Variants in TOGARAM1 observed in about 807,000 individuals in gnomAD.
TOGARAM1 encodes TOG array regulator of axonemal microtubules 1.
A neutral mutation model predicts 166.6 loss-of-function variants in TOGARAM1; 100 were observed. The observed-to-expected ratio is 0.60, with a 90% confidence interval of 0.51 to 0.71. The LOEUF is 0.71. Ranked by LOEUF, TOGARAM1 falls within the 30% of genes least tolerant of loss-of-function variation. The probability of loss-of-function intolerance (pLI) is 0.00; values close to 1 mark genes in which losing one functional copy is unlikely to be tolerated. For missense variants in TOGARAM1, 2,029 were observed against 2,102.7 expected (o/e 0.96, Z 0.69); for synonymous variants, 758 against 763.8 (o/e 0.99, Z 0.13).
At chr14:44,981,846 T>C (rs1886554502) in intron 1 of TOGARAM1, among the ~76,000 whole-genome samples, 1 of 147,104 alleles carries the variant, frequency 6.8e-6, no homozygotes, top group African/African-American at 2.5e-5. Context: ...ACTTACTTTT[T>C]TTTTTTTTTT....
chr14:44,988,218 A>T (rs994442464), intron 1 of TOGARAM1, among the ~76,000 whole-genome samples: 9 of 152,132 alleles, frequency 5.9e-5, no homozygotes, highest in Non-Finnish European at 4.4e-5. Context: ...ACAAACCTGC[A>T]CATTGTGCAC....
chr14:44,999,283 C>T, intron 2 of TOGARAM1, 80 bp from the exon 3 acceptor site: 1 of 1,374,732 alleles, frequency 7.3e-7, no homozygotes, highest in Non-Finnish European at 9.8e-7. Flanking sequence ...TAAATTACAC[C>T]AACATTTATG....
intron 7 of TOGARAM1, among the ~76,000 whole-genome samples, chr14:45,016,605 C>G (rs1214095822): frequency 6.6e-6 from 1 of 152,120 alleles, no homozygotes; most frequent in African/African-American, 2.4e-5. Context: ...CTTTGTTGCC[C>G]AGGCTGGCCT....
intron 16 of TOGARAM1, among the ~76,000 whole-genome samples, chr14:45,056,304 GATCAT>G (rs1183779139): frequency 6.6e-6 from 1 of 152,032 alleles, no homozygotes; most frequent in Non-Finnish European, 1.5e-5. Flanking sequence ...CTAGATATAA[GATCAT>G]ATCATCAGCA....
chr14:44,988,326 T>TTA (rs1886958478), intron 1 of TOGARAM1, among the ~76,000 whole-genome samples: 2 of 152,200 alleles, frequency 1.3e-5, no homozygotes, highest in Admixed American at 1.3e-4. Flanking sequence ...TAATATGATG[T>TTA]TTATGAGCCA....
At chr14:44,968,485 T>C (rs1885686498) in intron 1 of TOGARAM1, among the ~76,000 whole-genome samples, 1 of 152,218 alleles carries the variant, frequency 6.6e-6, no homozygotes. Flanking sequence ...CCTGACCTCG[T>C]GATCTGCCCG....
intron 17 of TOGARAM1, 74 bp downstream of exon 17, chr14:45,066,841 C>A: frequency 3.9e-6 from 5 of 1,292,166 alleles, no homozygotes; most frequent in South Asian, 1.6e-5. Context: ...TTTGGGAAGC[C>A]AAGGTAGAAG....
intron 5 of TOGARAM1, 133 bp downstream of exon 5, chr14:45,006,400 G>A (rs1295948854): frequency 4.6e-6 from 3 of 658,990 alleles, no homozygotes; most frequent in Non-Finnish European, 7.2e-6. Context: ...TATAGAAAAT[G>A]TGGAAAATAC....
chr14:44,964,968 A>AG (rs1365066666), intron 1 of TOGARAM1, among the ~76,000 whole-genome samples: 1 of 150,422 alleles, frequency 6.6e-6, no homozygotes, highest in African/African-American at 2.4e-5. Flanking sequence ...AAAAAAAAAA[A>AG]AAAAAGGAAA....
In TOGARAM1 at chr14:45,043,811, G is replaced by A; in HGVS notation, c.3918+20G>A. 1 of 1,352,636 alleles carries A rather than the reference G, an allele frequency of 7.4e-7. No homozygotes were observed. Among genetic ancestry groups the A allele is most frequent in the Non-Finnish European group, 1.1e-6 (1 of 942,196 alleles). The allele number at this position is 1,352,636 out of a possible 1,614,324, so 83.8% of individuals were successfully genotyped here. A position where few individuals can be genotyped will look rare whatever the true frequency, so the allele number is the denominator to read the frequency against. On this transcript the variant is annotated intron_variant, in intron 12 of 19. Transcript: ENST00000361462. ...CAAGAGGTAAACTTATTTTTCAGAT[G>A]AGTTAAGGATTGTTAGAATAACAAA...
chr14:45,073,456 T>C lies in TOGARAM1; in HGVS notation c.5217T>C (p.Phe1739=), dbSNP rs759886738. The part of the protein sequence containing the change: ...TATAKLSKAL[F]AQMGQNLLNQ... Reference sequence around the variant, plus strand: ...CAGCTAAATTATCAAAAGCACTCTTTGCACAGATGGGTCAGAATCTGTTAA... The same window carrying C: ...CAGCTAAATTATCAAAAGCACTCTTCGCACAGATGGGTCAGAATCTGTTAA... The change falls in exon 20 of 20, where the codon TTT becomes TTC. Residue 1739 remains phenylalanine, a synonymous_variant. Coordinates refer to ENST00000361462, the MANE Select transcript of TOGARAM1 (RefSeq NM_001308120.2). The C allele has an allele frequency of 6.2e-7, 1 of 1,614,206 alleles. No homozygotes were observed. The highest frequency in any genetic ancestry group is 8.5e-7 in the Non-Finnish European group (1 of 1,180,032).
At chr14:45,042,388 G>A (rs1053683032) in intron 11 of TOGARAM1, 1 of 151,894 alleles carries the variant, frequency 6.6e-6, no homozygotes, top group African/African-American at 2.4e-5. Context: ...CAGCTAACCA[G>A]GCCTATTGTT....
chr14:45,008,817 AG>A, intron 5 of TOGARAM1, 95 bp from the exon 6 acceptor site: 1 of 832,544 alleles, frequency 1.2e-6, no homozygotes, highest in Non-Finnish European at 1.8e-6. Flanking sequence ...GGAAGTGGTT[AG>A]CTAGGTATAG....
At position 45,043,778 on chromosome 14, in the gene TOGARAM1, C is replaced by G; in HGVS notation, c.3905C>G (p.Ala1302Gly). Reference protein sequence around the residue: ...LNTKLHETNFAVVQEVKNLRS... With the variant: ...LNTKLHETNFGVVQEVKNLRS... ...ACAAAGTTGCATGAAACAAATTTTGCAGTTGTTCAAGAGGTAAACTTATTT... is the reference window on the plus strand; with the variant it reads ...ACAAAGTTGCATGAAACAAATTTTGGAGTTGTTCAAGAGGTAAACTTATTT... Residue 1302 changes from alanine (A) to glycine (G), a missense_variant, in exon 12 of 20, where the codon GCA (alanine) becomes GGA (glycine). Around this residue, in one of 2 missense-constraint regions of TOGARAM1, gnomAD observed 576 missense variants for 670.5 expected, o/e 0.86. Coordinates refer to ENST00000361462, the MANE Select transcript of TOGARAM1 (RefSeq NM_001308120.2). 1 of 1,603,540 alleles carries G rather than the reference C, an allele frequency of 6.2e-7. No individual in the cohort carries two copies. Among genetic ancestry groups the G allele is most frequent in the Non-Finnish European group, 8.5e-7 (1 of 1,170,488 alleles).
At chr14:45,034,952 C>G (rs985236610) in intron 11 of TOGARAM1, among the ~76,000 whole-genome samples, 1 of 152,076 alleles carries the variant, frequency 6.6e-6, no homozygotes, top group African/African-American at 2.4e-5. Flanking sequence ...GTAACTGTAA[C>G]TACTGCATGC....
rs760912655 is a variant in TOGARAM1 at position 44,963,522 on chromosome 14, C to T, written c.1101C>T (p.Asn367=). The change falls in exon 1 of 20, where the codon AAC becomes AAT. Residue 367 remains asparagine (N), a synonymous_variant. Transcript: ENST00000361462. The part of the protein sequence containing the change: ...SRLLDQEDYK[N]RTQAVEELKQ... ...TATTGGATCAGGAAGACTATAAGAA[C>T]CGGACCCAGGCCGTCGAAGAACTAA... The T allele has an allele frequency of 1.2e-6, 2 of 1,614,184 alleles. No homozygotes were observed. Among genetic ancestry groups the T allele is most frequent in the South Asian group, 2.2e-5 (2 of 91,080 alleles).
At chr14:45,073,192 T>TTACA (rs1883456729) in intron 19 of TOGARAM1, 104 bp from the exon 20 acceptor site, 4 of 1,143,846 alleles carry the variant, frequency 3.5e-6, no homozygotes. Flanking sequence ...TTAGGACAAA[T>TTACA]TACATAAGGA....
chr14:45,039,596 C>T (rs1423834842), intron 11 of TOGARAM1, among the ~76,000 whole-genome samples: 2 of 152,128 alleles, frequency 1.3e-5, no homozygotes, highest in African/African-American at 4.8e-5. Flanking sequence ...CAGCACTGCC[C>T]CAAGTGTGTG....
chr14:45,026,504 C>G (rs1880848672), intron 8 of TOGARAM1, among the ~76,000 whole-genome samples: 1 of 152,136 alleles, frequency 6.6e-6, no homozygotes, highest in African/African-American at 2.4e-5. Context: ...CTACAGCTTA[C>G]TCTTGTAAAC....
Sources: gnomAD v4.1 joint callset for allele counts (sites outside exome capture counted in the v4.1 genomes callset) on GRCh38, gnomAD v4.1.1 for gene constraint, gnomAD v4.1.1 regional missense constraint, MANE v1.5 for transcripts, NCBI Gene and HGNC (gene_info 2026-07-23, HGNC 2026-07-21) for gene names.